Variants in SQSTM1 observed in about 807,000 individuals in gnomAD.
SQSTM1 encodes sequestosome 1, also known as sequestosome-1.
Under a neutral mutation model 45.1 loss-of-function variants are expected in SQSTM1, and 36 were observed. The ratio of observed to expected loss-of-function variants is 0.80; its 90% CI spans 0.61 to 1.05. SQSTM1 has a LOEUF of 1.05. SQSTM1 is among the 50% of genes least tolerant of loss of function. SQSTM1 has a pLI of 0.00. For synonymous variants in SQSTM1, 290 were observed against 244.3 expected (o/e 1.19, Z -1.74); for missense variants, 617 against 607.1 (o/e 1.02, Z -0.17).
upstream of SQSTM1, among the ~76,000 whole-genome samples, chr5:179,814,813 T>C (rs941147127): frequency 2.0e-5 from 3 of 152,118 alleles, no homozygotes; most frequent in African/African-American, 7.2e-5. Context: ...CCCAGCACTT[T>C]AGGAGGCCGA....
intron 5 of SQSTM1, among the ~76,000 whole-genome samples, chr5:179,831,932 T>C (rs1279898177): frequency 2.0e-5 from 3 of 151,904 alleles, no homozygotes; most frequent in African/African-American, 4.8e-5. Context: ...TACAGGCGAT[T>C]GCCACCACGC....
At chr5:179,836,333 C>A in intron 7 of SQSTM1, 103 bp from the exon 8 acceptor site, 1 of 1,522,806 alleles carries the variant, frequency 6.6e-7, no homozygotes, top group Non-Finnish European at 9.1e-7. Flanking sequence ...GGCTCGGACA[C>A]TGGCAGACCC....
chr5:179,822,798 G>T, intron 1 of SQSTM1, 160 bp from the exon 2 acceptor site: 1 of 710,788 alleles, frequency 1.4e-6, no homozygotes. Context: ...CAGAGCAAGG[G>T]GGTAGTCTTG....
At position 179,823,853 on chromosome 5, in the gene SQSTM1, T is replaced by C. The variant is rs199527061; in HGVS notation, c.302-5T>C. ...CCCTAGCGGCTCTCTTTACCCTTCC[T>C]GTAGAGAAAAAAGAGTGCCGGCGGG... On this transcript the variant is annotated splice_polypyrimidine_tract_variant and splice_region_variant and intron_variant, in intron 2 of 7. Coordinates refer to ENST00000389805, the MANE Select transcript of SQSTM1 (RefSeq NM_003900.5). 25 of 1,610,956 alleles carry C rather than the reference T, an allele frequency of 1.6e-5. No homozygotes were observed. The East Asian group carries it at 4.5e-4, about 29-fold the overall frequency.
chr5:179,809,875 C>G (rs994945163), intron 1 of SQSTM1, among the ~76,000 whole-genome samples: 3 of 151,482 alleles, frequency 2.0e-5, no homozygotes, highest in Non-Finnish European at 4.4e-5. Context: ...AACTCCTGAC[C>G]TCAGGTGATC....
intron 7 of SQSTM1, among the ~76,000 whole-genome samples, chr5:179,834,978 G>A (rs1283632354): frequency 9.9e-5 from 15 of 151,850 alleles, no homozygotes; most frequent in African/African-American, 2.4e-4. Flanking sequence ...CAGTAGGGGC[G>A]GCCGGGCAGA....
upstream of SQSTM1, among the ~76,000 whole-genome samples, chr5:179,819,835 C>T (rs1326628013): frequency 6.6e-6 from 1 of 152,208 alleles, no homozygotes; most frequent in Non-Finnish European, 1.5e-5. Flanking sequence ...CCCTGCTGTG[C>T]GCACACCCAC....
intron 5 of SQSTM1, 119 bp from the exon 6 acceptor site, chr5:179,832,913 C>G: frequency 9.7e-7 from 1 of 1,035,642 alleles, no homozygotes; most frequent in Non-Finnish European, 1.5e-6. Context: ...CACTTAGCTG[C>G]TTGTGGGGAC....
At chr5:179,826,413 C>A (rs548250511) in intron 5 of SQSTM1, among the ~76,000 whole-genome samples, 2 of 151,952 alleles carry the variant, frequency 1.3e-5, no homozygotes, top group African/African-American at 4.8e-5. Flanking sequence ...GTGATCCACC[C>A]GTCTTGGCCT....
intron 1 of SQSTM1, chr5:179,822,593 G>T: frequency 5.7e-6 from 2 of 351,376 alleles, no homozygotes; most frequent in Non-Finnish European, 1.1e-5. Flanking sequence ...TCACAGGCAG[G>T]GATCTCCCAC....
At chr5:179,834,201 G>A (rs1561606757) in intron 7 of SQSTM1, among the ~76,000 whole-genome samples, 1 of 122,782 alleles carries the variant, frequency 8.1e-6, no homozygotes, top group Non-Finnish European at 1.6e-5. Context: ...CCAGGCAGAA[G>A]CCACCGTTGA....
At position 179,824,226 on chromosome 5, in the gene SQSTM1, C is replaced by T. The variant is rs1582008612; in HGVS notation, c.576C>T (p.His192=). 1 of 1,613,882 alleles carries T rather than the reference C, an allele frequency of 6.2e-7. No individual in the cohort carries two copies. The highest frequency in any genetic ancestry group is 8.5e-7 in the Non-Finnish European group (1 of 1,180,046). ...GGCTCCGGAAGGTGAAACACGGACACTTCGGGTGGCCAGGATGGGAAATGG... is the reference window on the plus strand; with the variant it reads ...GGCTCCGGAAGGTGAAACACGGACATTTCGGGTGGCCAGGATGGGAAATGG... The part of the protein sequence containing the change: ...SRWLRKVKHG[H]FGWPGWEMGP... The change falls in exon 4 of 8, where the codon CAC becomes CAT. Residue 192 remains histidine, a synonymous_variant. Transcript: ENST00000389805.
Position 179,835,877 on chromosome 5 carries a change from GTA to G in SQSTM1, c.1166-552_1166-551del, listed in dbSNP as rs1358489570. On this transcript the variant is annotated intron_variant, in intron 7 of 7. Coordinates refer to ENST00000389805, the MANE Select transcript of SQSTM1 (RefSeq NM_003900.5). ...TTGTGGCTGAGTAGTATTCCATGGT[GTA>G]TATATACCACATTTTCTTTATCCAC... The G allele has an allele frequency of 2.0e-5, 4 of 198,014 alleles. No homozygotes were observed. In the South Asian group the frequency reaches 3.7e-4, roughly 18 times the overall value. The allele number at this position is 198,014 out of a possible 1,614,324, so 12.3% of individuals were successfully genotyped here. A position where few individuals can be genotyped will look rare whatever the true frequency, so the allele number is the denominator to read the frequency against.
At chr5:179,826,851 G>C (rs1758014150) in intron 5 of SQSTM1, among the ~76,000 whole-genome samples, 1 of 152,074 alleles carries the variant, frequency 6.6e-6, no homozygotes. Context: ...AAAGTGCTGG[G>C]ATTACAGGTG....
Position 179,820,942 on chromosome 5 carries a change from G to A in SQSTM1, c.6G>A (p.Ala2=), listed in dbSNP as rs756106731. M[A]SLTVKAYLLG... The stretch of plus-strand genomic sequence containing the variant: ...CCGCCAGCTCGCCGCTCGCTATGGC[G>A]TCGCTCACCGTGAAGGCCTACCTTC... The change falls in exon 1 of 8, where the codon GCG becomes GCA. Residue 2 remains alanine, a synonymous_variant. Coordinates refer to ENST00000389805, the MANE Select transcript of SQSTM1 (RefSeq NM_003900.5). 4.5e-6 allele frequency: 7 copies of A among 1,552,634 alleles called. No homozygotes were observed. Among genetic ancestry groups the A allele is most frequent in the Middle Eastern group, 1.7e-4 (1 of 5,834 alleles).
chr5:179,838,009 G>A lies in SQSTM1; in HGVS notation c.*1416G>A. ...TGACACTTTCTGCTGGAAGCTGTCA[G>A]GCTGGGACAGGCTTTGATTTTGAGG... On this transcript the variant is annotated 3_prime_UTR_variant, in exon 8 of 8. Transcript: ENST00000389805. The A allele has an allele frequency of 1.2e-6, 1 of 860,692 alleles. No individual in the cohort carries two copies. Among genetic ancestry groups the A allele is most frequent in the Non-Finnish European group, 1.8e-6 (1 of 569,686 alleles). The allele number at this position is 860,692 out of a possible 1,614,324, so 53.3% of individuals were successfully genotyped here. A position where few individuals can be genotyped will look rare whatever the true frequency, so the allele number is the denominator to read the frequency against.
Position 179,833,691 on chromosome 5 carries a change from G to A in SQSTM1, c.1074G>A (p.Met358Ile), listed in dbSNP as rs541743205. ...CAGGTGAACTCCAGTCCCTACAGAT[G>A]CCAGAATCCGAAGGGCCAAGCTCTC... ...PSTGELQSLQ[M>I]PESEGPSSLD... Residue 358 changes from methionine (M) to isoleucine (I), a missense_variant, in exon 7 of 8, where the codon ATG (methionine) becomes ATA (isoleucine). Coordinates refer to ENST00000389805, the MANE Select transcript of SQSTM1 (RefSeq NM_003900.5). 3 of 1,614,160 alleles carry A rather than the reference G, an allele frequency of 1.9e-6. No individual in the cohort carries two copies. In the African/African-American group the frequency reaches 4.0e-5, roughly 22 times the overall value.
At position 179,838,039 on chromosome 5, in the gene SQSTM1, G is replaced by T. The variant is rs1383051663; in HGVS notation, c.*1446G>T. 1.5e-6 allele frequency: 1 copy of T among 670,040 alleles called. No individual in the cohort carries two copies. Among genetic ancestry groups the T allele is most frequent in the Non-Finnish European group, 2.5e-6 (1 of 400,866 alleles). 41.5% of individuals were successfully genotyped at this position (670,040 alleles called of 1,614,324 possible). A position where few individuals can be genotyped will look rare whatever the true frequency, so the allele number is the denominator to read the frequency against. On this transcript the variant is annotated 3_prime_UTR_variant, in exon 8 of 8. Transcript: ENST00000389805. ...GGACAGGCTTTGATTTTGAGGGTTAGCAAGACAAAGCAAATAAATGCCTTC... is the reference window on the plus strand; with the variant it reads ...GGACAGGCTTTGATTTTGAGGGTTATCAAGACAAAGCAAATAAATGCCTTC...
intron 5 of SQSTM1, among the ~76,000 whole-genome samples, chr5:179,828,536 G>A (rs1373150213): frequency 6.6e-6 from 1 of 151,798 alleles, no homozygotes. Flanking sequence ...CATCACGCCT[G>A]GCTAATTTTG....
Sources: allele counts gnomAD v4.1 joint callset (sites outside exome capture counted in the v4.1 genomes callset), GRCh38; gene constraint gnomAD v4.1.1; transcripts MANE v1.5; gene names NCBI Gene and HGNC (gene_info 2026-07-23, HGNC 2026-07-21).